The following SLC22A2 variants were observed in gnomAD, a reference collection of about 807,000 sequenced individuals.
SLC22A2 encodes the protein solute carrier family 22 member 2.
A neutral mutation model predicts 60.5 loss-of-function variants in SLC22A2; 46 were observed. The observed-to-expected ratio is 0.76, with a 90% CI of 0.60 to 0.97. The LOEUF is 0.97. Ranked by LOEUF, SLC22A2 falls within the 50% of genes least tolerant of loss-of-function variation. The pLI is 0.00. For synonymous variants in SLC22A2, 303 were observed against 267.0 expected (o/e 1.13, Z -1.31); for missense variants, 701 against 706.6 (o/e 0.99, Z 0.09).
intron 9 of SLC22A2, among the ~76,000 whole-genome samples, chr6:160,226,351 C>T (rs1782722892): frequency 6.6e-6 from 1 of 152,128 alleles, no homozygotes; most frequent in Admixed American, 6.5e-5. Context: ...CTCCAGTCTC[C>T]CACACAGCCG....
chr6:160,224,924 T>G, intron 9 of SLC22A2, 120 bp from the exon 10 acceptor site: 1 of 496,090 alleles, frequency 2.0e-6, no homozygotes. Context: ...TATTTACAGA[T>G]TCCTTTGCCA....
At chr6:160,241,111 C>A (rs315990) in intron 9 of SLC22A2, among the ~76,000 whole-genome samples, 104,737 of 152,024 alleles carry the variant, frequency 0.69, 38,290 homozygotes, top group Admixed American at 0.81. Context: ...ACAGAGACCT[C>A]AGGAAGGGTG....
At chr6:160,225,110 T>A (rs1782702585) in intron 9 of SLC22A2, among the ~76,000 whole-genome samples, 1 of 152,140 alleles carries the variant, frequency 6.6e-6, no homozygotes, top group Non-Finnish European at 1.5e-5. Flanking sequence ...CTGCAAAAAA[T>A]TAACTGTATG....
At chr6:160,219,098 GCAACAGAAGCAATAACAGCAGC>G (rs1782598122) in intron 10 of SLC22A2, among the ~76,000 whole-genome samples, 1 of 442 alleles carries the variant, frequency 2.3e-3, no homozygotes. Flanking sequence ...AACAATAACA[GCAACAGAAGCAATAACAGCAGC>G]AGCAACAACA....
intron 9 of SLC22A2, among the ~76,000 whole-genome samples, chr6:160,229,926 G>A (rs577472004): frequency 3.8e-4 from 57 of 151,782 alleles, no homozygotes; most frequent in South Asian, 6.2e-4. Context: ...AATTCTTGTC[G>A]TAAAATGGGC....
Position 160,258,576 on chromosome 6 carries a change from A to C in SLC22A2, c.182T>G (p.Leu61Arg). ...CTCTGCAGGACTCCAGCCGCAGCGC[A>C]GACTCAGCTCGGCCACTCCGGGGCT... ...CRSPGVAELS[L>R]RCGWSPAEEL... is the part of the protein sequence containing the mutation. The change falls in exon 1 of 11, where the codon CTG becomes CGG. Residue 61 changes from leucine (L) to arginine (R), a missense_variant. Leu to Arg is a moderately radical substitution (Grantham distance 102, BLOSUM62 -2). Transcript: ENST00000366953. 6.2e-7 allele frequency: 1 copy of C among 1,613,904 alleles called. No homozygotes were observed. Among genetic ancestry groups the C allele is most frequent in the Non-Finnish European group, 8.5e-7 (1 of 1,179,894 alleles).
chr6:160,258,578 A>T lies in SLC22A2; in HGVS notation c.180T>A (p.Ser60Arg), dbSNP rs746655526. ...RCRSPGVAEL[S>R]LRCGWSPAEE... ...CTGCAGGACTCCAGCCGCAGCGCAG[A>T]CTCAGCTCGGCCACTCCGGGGCTCC... The change falls in exon 1 of 11, where the codon AGT becomes AGA. Residue 60 changes from serine to arginine, a missense_variant. Coordinates refer to ENST00000366953, the MANE Select transcript of SLC22A2 (RefSeq NM_003058.4). The T allele has an allele frequency of 6.2e-7, 1 of 1,613,808 alleles. No homozygotes were observed. Among genetic ancestry groups the T allele is most frequent in the East Asian group, 2.2e-5 (1 of 44,872 alleles).
At position 160,258,735 on chromosome 6, in the gene SLC22A2, A is replaced by G; in HGVS notation, c.23T>C (p.Val8Ala). Residue 8 changes from valine (V) to alanine (A), a missense_variant, in exon 1 of 11, where the codon GTC becomes GCC. Coordinates refer to ENST00000366953, the MANE Select transcript of SLC22A2 (RefSeq NM_003058.4). The part of the protein sequence containing the change: MPTTVDD[V>A]LEHGGEFHFF... ...GTGAAACTCCCCTCCATGCTCCAGG[A>G]CATCGTCCACGGTGGTGGGCATGAT... 1 of 1,572,034 alleles carries G rather than the reference A, an allele frequency of 6.4e-7. No homozygotes were observed. The highest frequency in any genetic ancestry group is 1.2e-5 in the South Asian group (1 of 83,028).
chr6:160,244,993 C>T (rs1783067202), intron 6 of SLC22A2: 2 of 152,416 alleles, frequency 1.3e-5, no homozygotes, highest in African/African-American at 2.4e-5. Flanking sequence ...CCCCACAACC[C>T]TGTTTTTTGT....
Position 160,242,318 on chromosome 6 carries a change from G to C in SLC22A2, c.1364C>G (p.Ala455Gly). ...MAYEIVCLVN[A>G]ELYPTFIRNL... is the part of the protein sequence containing the mutation. ...CCTAATGAATGTGGGGTACAGCTCA[G>C]CATTGACCAGGCAGACTATCTCATA... Residue 455 changes from alanine (A) to glycine (G), a missense_variant, in exon 8 of 11, where the codon GCT (alanine) becomes GGT (glycine). Physicochemically the swap from Ala to Gly is moderately conservative, Grantham distance 60. Transcript: ENST00000366953. 6.3e-7 allele frequency: 1 copy of C among 1,598,644 alleles called. No individual in the cohort carries two copies. The highest frequency in any genetic ancestry group is 8.6e-7 in the Non-Finnish European group (1 of 1,165,838).
At chr6:160,221,108 C>T (rs1354665559) in intron 10 of SLC22A2, among the ~76,000 whole-genome samples, 1 of 152,164 alleles carries the variant, frequency 6.6e-6, no homozygotes, top group Admixed American at 6.5e-5. Flanking sequence ...GCTGTTGTGT[C>T]TATATTGAAA....
At chr6:160,242,228 G>T in intron 8 of SLC22A2, 66 bp downstream of exon 8, 1 of 876,986 alleles carries the variant, frequency 1.1e-6, no homozygotes, top group Non-Finnish European at 2.0e-6. Flanking sequence ...GTCTGCACTT[G>T]TGGTGGTTCC....
chr6:160,227,074 G>A lies in SLC22A2; in HGVS notation c.1502-2270C>T, dbSNP rs562270267. Among the ~76,000 whole-genome samples the A allele has an allele frequency of 8.5e-4, 129 of 152,196 alleles. 1 individual carries two copies. The highest frequency in any genetic ancestry group is 3.0e-3 in the African/African-American group (124 of 41,520). ...ATATTTCTTTGCCCTATTTTGAAAT[G>A]GCCTGGCAAAGCCATCTTTTGTGGA... is the stretch of plus-strand genomic sequence containing the variant. On this transcript the variant is annotated intron_variant, in intron 9 of 10. Transcript: ENST00000366953.
intron 9 of SLC22A2, among the ~76,000 whole-genome samples, chr6:160,232,566 G>A (rs1175329986): frequency 2.4e-5 from 2 of 82,788 alleles, no homozygotes; most frequent in Non-Finnish European, 5.9e-5. Context: ...CATCATTAAT[G>A]CCTCTTTAAA....
chr6:160,226,060 G>T (rs1782716019), intron 9 of SLC22A2, among the ~76,000 whole-genome samples: 2 of 152,198 alleles, frequency 1.3e-5, no homozygotes, highest in Non-Finnish European at 2.9e-5. Context: ...GAGTCTACAA[G>T]ATTCTGACCC....
chr6:160,249,532 T>C, intron 3 of SLC22A2, 148 bp from the exon 4 acceptor site: 1 of 666,162 alleles, frequency 1.5e-6, no homozygotes, highest in South Asian at 2.0e-5. Context: ...AAGTGTTTTT[T>C]GGTTTTTATT....
At position 160,230,651 on chromosome 6, in the gene SLC22A2, C is replaced by T. The variant is rs561401729; in HGVS notation, c.1502-5847G>A. ...GCAATGTATTTCTGAATTGCAATTC[C>T]TTGCCTCCACTGTGAGACAAACCCC... On this transcript the variant is annotated intron_variant, in intron 9 of 10. Coordinates refer to ENST00000366953, the MANE Select transcript of SLC22A2 (RefSeq NM_003058.4). Among the ~76,000 whole-genome samples, 44 of 152,076 alleles carry T rather than the reference C, an allele frequency of 2.9e-4. 1 individual carries two copies. The highest frequency in any genetic ancestry group is 1.1e-3 in the African/African-American group (44 of 41,350).
chr6:160,228,423 CACTTGACTGA>C (rs1407592969), intron 9 of SLC22A2, among the ~76,000 whole-genome samples: 12 of 152,172 alleles, frequency 7.9e-5, no homozygotes, highest in Non-Finnish European at 2.9e-5. Context: ...AAGGCAAAGA[CACTTGACTGA>C]ACTTGGGTTT....
At chr6:160,246,567 C>A (rs1354330753) in intron 5 of SLC22A2, among the ~76,000 whole-genome samples, 1 of 151,874 alleles carries the variant, frequency 6.6e-6, no homozygotes, top group Admixed American at 6.6e-5. Flanking sequence ...GCCAACATGG[C>A]GAAACTCTGT....
Sources: allele counts gnomAD v4.1 joint callset (sites outside exome capture counted in the v4.1 genomes callset), GRCh38; gene constraint gnomAD v4.1.1; transcripts MANE v1.5; gene names NCBI Gene and HGNC (gene_info 2026-07-23, HGNC 2026-07-21).